Variants in VWA2 observed in about 807,000 individuals in gnomAD.
VWA2 encodes the protein von Willebrand factor A domain containing 2, also known as von Willebrand factor A domain-containing protein 2.
A neutral mutation model predicts 70.4 loss-of-function variants in VWA2; 73 were observed. The ratio of observed to expected loss-of-function variants is 1.04; its 90% CI spans 0.86 to 1.26. VWA2 has a LOEUF of 1.26. Ranked by LOEUF, VWA2 falls within the 50% of genes most tolerant of loss-of-function variation. The probability of loss-of-function intolerance (pLI) is 0.00; values close to 1 mark genes in which losing one functional copy is unlikely to be tolerated. For synonymous variants in VWA2, 407 were observed against 423.3 expected, an observed-to-expected ratio of 0.96 and a Z score of 0.47; for missense variants, 1,011 against 998.5, an observed-to-expected ratio of 1.01 and a Z score of -0.17.
At chr10:114,271,482 G>C (rs987457054) in intron 5 of VWA2, among the ~76,000 whole-genome samples, 1 of 152,136 alleles carries the variant, frequency 6.6e-6, no homozygotes, top group African/African-American at 2.4e-5. Context: ...GCATTTTGAG[G>C]ACTGAGGGGA....
intron 1 of VWA2, among the ~76,000 whole-genome samples, chr10:114,248,491 A>C (rs639813): frequency 0.21 from 32,268 of 151,930 alleles, 3,647 homozygotes; most frequent in African/African-American, 0.28. Flanking sequence ...TATCCTGGGG[A>C]AGATGTTAGC....
At position 114,271,608 on chromosome 10, in the gene VWA2, A is replaced by AACACACACAC. The variant is rs142127208; in HGVS notation, c.372-1106_372-1097dup. Reference sequence around the variant, plus strand: ...ATGTCAGACTTGCATGAGAAGTAAAAACACACACACACACACACACACACA... The same window carrying AACACACACAC: ...ATGTCAGACTTGCATGAGAAGTAAAAACACACACACACACACACACACACACACACACACA... On this transcript the variant is annotated intron_variant, in intron 5 of 13. Coordinates refer to ENST00000392982, the MANE Select transcript of VWA2 (RefSeq NM_001272046.2). Among the ~76,000 whole-genome samples, 1,443 of 144,778 alleles carry AACACACACAC rather than the reference A, an allele frequency of 1.0e-2. 19 individuals are homozygous for AACACACACAC. Among genetic ancestry groups the AACACACACAC allele is most frequent in the African/African-American group, 0.029 (1,141 of 39,166 alleles). 95.0% of individuals were successfully genotyped at this position (144,778 alleles called of 152,430 possible). A position where few individuals can be genotyped will look rare whatever the true frequency, so the allele number is the denominator to read the frequency against.
rs1299208803 is a variant in VWA2 at position 114,289,044 on chromosome 10, C to G, written c.1677C>G (p.Leu559=). ...QMQSFVRSCA[L]QFEVNPDVTQ... ...AGAGCTTTGTGAGAAGCTGTGCCCT[C>G]CAGTTTGAGGTGAACCCTGACGTGA... The change falls in exon 12 of 14, where the codon CTC becomes CTG. Residue 559 remains leucine (L), a synonymous_variant. Transcript: ENST00000392982. The G allele has an allele frequency of 6.2e-7, 1 of 1,614,180 alleles. No homozygotes were observed. Among genetic ancestry groups the G allele is most frequent in the Non-Finnish European group, 8.5e-7 (1 of 1,180,040 alleles).
chr10:114,287,739 T>G (rs1020259664), intron 11 of VWA2, among the ~76,000 whole-genome samples: 6 of 152,190 alleles, frequency 3.9e-5, no homozygotes, highest in African/African-American at 1.2e-4. Flanking sequence ...TAATTGACAA[T>G]AGTGGAGAGT....
In VWA2 at chr10:114,294,290, T is replaced by G. The variant is rs2039867274; in HGVS notation, c.*3053T>G. Among the ~76,000 whole-genome samples the G allele has an allele frequency of 6.6e-6, 1 of 152,236 alleles. No homozygotes were observed. The highest frequency in any genetic ancestry group is 6.5e-5 in the Admixed American group (1 of 15,286). ...TATCAGAGCTATACTAACCTTATAA[T>G]GGAAAATACATATTTCTCAAACTTT... On this transcript the variant is annotated 3_prime_UTR_variant, in exon 14 of 14. Coordinates refer to ENST00000392982, the MANE Select transcript of VWA2 (RefSeq NM_001272046.2).
At chr10:114,285,443 C>T (rs74643258) in intron 10 of VWA2, among the ~76,000 whole-genome samples, 1,982 of 152,304 alleles carry the variant, frequency 0.013, 13 homozygotes, top group Middle Eastern at 0.031. Flanking sequence ...CCATGCTTGA[C>T]GCATATAAGG....
Position 114,239,434 on chromosome 10 carries a change from C to CA in VWA2, c.-143dup. On this transcript the variant is annotated 5_prime_UTR_variant, in exon 1 of 14. An upstream open reading frame in the 5' UTR gains an earlier in-frame stop. Coordinates refer to ENST00000392982, the MANE Select transcript of VWA2 (RefSeq NM_001272046.2). ...TCGTGCCGCCCTCTCCCAGGAGAGA[C>CA]AAACAGGTGTCCCACGTGGCAGCCG... 2 of 152,458 alleles carry CA rather than the reference C, an allele frequency of 1.3e-5. No homozygotes were observed. Among genetic ancestry groups the CA allele is most frequent in the East Asian group, 3.9e-4 (2 of 5,180 alleles). 9.4% of individuals were successfully genotyped at this position (152,458 alleles called of 1,614,324 possible).
intron 9 of VWA2, among the ~76,000 whole-genome samples, chr10:114,283,706 A>G (rs2038493413): frequency 6.6e-6 from 1 of 152,196 alleles, no homozygotes; most frequent in Non-Finnish European, 1.5e-5. Context: ...ATGAAATGGG[A>G]CCATGCGTGT....
intron 2 of VWA2, 119 bp downstream of exon 2, chr10:114,248,884 C>T (rs1027121297): frequency 1.1e-6 from 1 of 921,856 alleles, no homozygotes; most frequent in Admixed American, 1.7e-5. Flanking sequence ...CATCTCCCCT[C>T]CATGGCCACC....
chr10:114,250,065 C>T (rs1313739980), intron 2 of VWA2, among the ~76,000 whole-genome samples: 2 of 152,204 alleles, frequency 1.3e-5, no homozygotes, highest in Non-Finnish European at 2.9e-5. Flanking sequence ...TAGGCCCCAG[C>T]ACAATTCCCC....
At chr10:114,282,657 A>G in intron 9 of VWA2, 86 bp downstream of exon 9, 1 of 1,230,960 alleles carries the variant, frequency 8.1e-7, no homozygotes, top group African/African-American at 1.5e-5. Context: ...ATCCTGGGAC[A>G]GAGGGTGGGG....
intron 8 of VWA2, among the ~76,000 whole-genome samples, chr10:114,279,899 G>A (rs564141421): frequency 1.3e-5 from 2 of 152,312 alleles, no homozygotes; most frequent in East Asian, 1.9e-4. Flanking sequence ...GGGGCTGCTC[G>A]AGCAGTTTTG....
In VWA2 at chr10:114,261,198, G is replaced by T; in HGVS notation, c.274G>T (p.Ala92Ser). ...DISPERVRVG[A>S]FQFSSTPHLE... ...TCTCCTACTGCAGGTCAGAGTGGGAGCATTCCAGTTCAGTTCCACTCCTCA... is the reference window on the plus strand; with the variant it reads ...TCTCCTACTGCAGGTCAGAGTGGGATCATTCCAGTTCAGTTCCACTCCTCA... Residue 92 changes from alanine to serine, a missense_variant, in exon 5 of 14, where the codon GCA becomes TCA. Ala to Ser is a moderately conservative substitution (Grantham distance 99, BLOSUM62 1). Transcript: ENST00000392982. The T allele has an allele frequency of 1.2e-6, 2 of 1,613,500 alleles. No individual in the cohort carries two copies. The highest frequency in any genetic ancestry group is 1.7e-6 in the Non-Finnish European group (2 of 1,179,526).
In VWA2 at chr10:114,278,749, A is replaced by C. The variant is rs776867992; in HGVS notation, c.731A>C (p.His244Pro). Reference protein sequence around the residue: ...DCRVEAHPCEHRTLEMVREFA... With the variant: ...DCRVEAHPCEPRTLEMVREFA... The stretch of plus-strand genomic sequence containing the variant: ...AGGGTCGAGGCTCACCCCTGTGAGC[A>C]CAGGACGCTGGAGATGGTCCGGGAG... The change falls in exon 8 of 14, where the codon CAC (histidine) becomes CCC (proline). Residue 244 changes from histidine (H) to proline (P), a missense_variant. Transcript: ENST00000392982. 3 of 1,613,960 alleles carry C rather than the reference A, an allele frequency of 1.9e-6. No individual in the cohort carries two copies. In the East Asian group the frequency reaches 6.7e-5, roughly 36 times the overall value.
intron 1 of VWA2, among the ~76,000 whole-genome samples, chr10:114,247,967 T>C (rs1398969062): frequency 6.6e-6 from 1 of 151,980 alleles, no homozygotes; most frequent in Non-Finnish European, 1.5e-5. Flanking sequence ...CTCAGCCAAG[T>C]GTGGTGGCAT....
chr10:114,286,502 C>A lies in VWA2; in HGVS notation c.1561C>A (p.Gln521Lys), dbSNP rs1411833717. The change falls in exon 11 of 14, where the codon CAG becomes AAG. Residue 521 changes from glutamine to lysine, a missense_variant. Coordinates refer to ENST00000392982, the MANE Select transcript of VWA2 (RefSeq NM_001272046.2). ...PELQGKLCSR[Q>K]RPGCRTQALD... ...GCTGCAGGGGAAGCTGTGCAGCCGG[C>A]AGCGGCCAGGTAAGGTCCCAGTGCC... 3 of 1,568,374 alleles carry A rather than the reference C, an allele frequency of 1.9e-6. No individual in the cohort carries two copies. The highest frequency in any genetic ancestry group is 2.7e-5 in the African/African-American group (2 of 74,386).
intron 11 of VWA2, among the ~76,000 whole-genome samples, chr10:114,288,685 A>G (rs956274578): frequency 1.3e-5 from 2 of 152,240 alleles, no homozygotes; most frequent in African/African-American, 2.4e-5. Flanking sequence ...CGTCCGTCAG[A>G]TAGAACTTAG....
At chr10:114,279,529 T>C (rs1315010465) in intron 8 of VWA2, among the ~76,000 whole-genome samples, 2 of 152,206 alleles carry the variant, frequency 1.3e-5, no homozygotes, top group African/African-American at 4.8e-5. Context: ...GTGAAATGGA[T>C]TGGCTGAGAA....
intron 6 of VWA2, among the ~76,000 whole-genome samples, chr10:114,274,086 C>A (rs1416651056): frequency 6.6e-6 from 1 of 152,064 alleles, no homozygotes; most frequent in African/African-American, 2.4e-5. Context: ...GTACAAAGGC[C>A]CTGGGGCAGC....
Sources: allele counts gnomAD v4.1 joint callset (sites outside exome capture counted in the v4.1 genomes callset), GRCh38; gene constraint gnomAD v4.1.1; transcripts MANE v1.5; gene names NCBI Gene and HGNC (gene_info 2026-07-23, HGNC 2026-07-21).